Variants in CCDC178 observed in about 807,000 individuals in gnomAD.
CCDC178 encodes coiled-coil domain-containing protein 178.
A neutral mutation model predicts 117.4 loss-of-function variants in CCDC178; 126 were observed. The ratio of observed to expected loss-of-function variants is 1.07; its 90% CI spans 0.93 to 1.24. CCDC178 has a LOEUF of 1.24. CCDC178 is among the 50% of genes most tolerant of loss of function. The pLI is 0.00. For synonymous variants in CCDC178, 283 were observed against 313.4 expected (o/e 0.90, Z 1.02); for missense variants, 1,030 against 986.9 (o/e 1.04, Z -0.59).
At position 33,246,073 on chromosome 18, in the gene CCDC178, C is replaced by T. The variant is rs576583967; in HGVS notation, c.1410-645G>A. Among the ~76,000 whole-genome samples, 6 of 151,906 alleles carry T rather than the reference C, an allele frequency of 3.9e-5. No homozygotes were observed. In the South Asian group the frequency reaches 1.0e-3, roughly 26 times the overall value. ...CAACACTAACTCCACATTATAATAACCTGCAAAGCATTTAATAAAACTTTG... is the reference window on the plus strand; with the variant it reads ...CAACACTAACTCCACATTATAATAATCTGCAAAGCATTTAATAAAACTTTG... On this transcript the variant is annotated intron_variant, in intron 14 of 22. Transcript: ENST00000383096.
At chr18:33,102,424 T>TA (rs36099291) in intron 20 of CCDC178, among the ~76,000 whole-genome samples, 1,579 of 118,430 alleles carry the variant, frequency 0.013, 17 homozygotes, top group South Asian at 0.032. Flanking sequence ...TGCTTTGAAG[T>TA]AAAAAAAAAA....
At chr18:33,334,344 A>T (rs1005754831) in intron 9 of CCDC178, among the ~76,000 whole-genome samples, 6 of 152,122 alleles carry the variant, frequency 3.9e-5, no homozygotes, top group Admixed American at 3.3e-4. Context: ...ATTTGAATAA[A>T]TGAATAAAAT....
At chr18:32,977,086 A>T (rs1297097534) in intron 21 of CCDC178, among the ~76,000 whole-genome samples, 6 of 152,146 alleles carry the variant, frequency 3.9e-5, no homozygotes, top group Non-Finnish European at 1.5e-5. Flanking sequence ...ACTTATTTAA[A>T]CAACACAGTT....
intron 6 of CCDC178, among the ~76,000 whole-genome samples, chr18:33,368,484 T>C (rs907156608): frequency 3.3e-5 from 5 of 151,934 alleles, no homozygotes; most frequent in Non-Finnish European, 7.4e-5. Flanking sequence ...ATAGCTCTTT[T>C]TTTCAGTTTT....
chr18:32,990,611 A>G (rs2055368265), intron 21 of CCDC178, among the ~76,000 whole-genome samples: 1 of 152,162 alleles, frequency 6.6e-6, no homozygotes, highest in Non-Finnish European at 1.5e-5. Flanking sequence ...TAAAAGTTCA[A>G]GTCAAATTTT....
At chr18:33,361,256 A>G in intron 6 of CCDC178, among the ~76,000 whole-genome samples, 1 of 151,800 alleles carries the variant, frequency 6.6e-6, no homozygotes, top group Non-Finnish European at 1.5e-5. Context: ...TAGTCTCTTC[A>G]ATAAATGATG....
chr18:33,377,168 T>C (rs1326688419), intron 5 of CCDC178, among the ~76,000 whole-genome samples: 2 of 152,236 alleles, frequency 1.3e-5, no homozygotes, highest in East Asian at 3.8e-4. Context: ...TGCTATCTCA[T>C]TGTGGTTTTC....
intron 20 of CCDC178, among the ~76,000 whole-genome samples, chr18:33,150,134 G>A (rs767929965): frequency 3.9e-5 from 6 of 152,020 alleles, no homozygotes; most frequent in East Asian, 1.9e-4. Flanking sequence ...AACATATCTC[G>A]GGGATAGGAC....
intron 5 of CCDC178, among the ~76,000 whole-genome samples, chr18:33,386,089 G>A (rs1484837382): frequency 6.6e-6 from 1 of 152,108 alleles, no homozygotes; most frequent in Non-Finnish European, 1.5e-5. Context: ...AAATAAACTG[G>A]AAAATCTACA....
At chr18:33,025,884 G>C (rs8095965) in intron 21 of CCDC178, among the ~76,000 whole-genome samples, 23,063 of 152,008 alleles carry the variant, frequency 0.15, 2,595 homozygotes, top group African/African-American at 0.32. Flanking sequence ...ATTCGTCCCA[G>C]AGAAGTGACA....
chr18:33,137,478 T>C (rs2058143423), intron 20 of CCDC178, among the ~76,000 whole-genome samples: 1 of 152,228 alleles, frequency 6.6e-6, no homozygotes, highest in Non-Finnish European at 1.5e-5. Flanking sequence ...TTAGTTCTAC[T>C]CTTTGAAGAG....
intron 11 of CCDC178, among the ~76,000 whole-genome samples, chr18:33,318,570 T>C (rs1212137691): frequency 2.0e-5 from 3 of 152,164 alleles, no homozygotes; most frequent in African/African-American, 7.2e-5. Flanking sequence ...TATGTTTAAT[T>C]TGAGCACAAG....
chr18:33,399,143 T>A (rs2063677632), intron 3 of CCDC178, among the ~76,000 whole-genome samples: 1 of 151,298 alleles, frequency 6.6e-6, no homozygotes, highest in Admixed American at 6.6e-5. Context: ...GAGGTTGCGC[T>A]GAGCTGAGAT....
chr18:32,982,731 A>C (rs533314708), intron 21 of CCDC178, among the ~76,000 whole-genome samples: 1 of 152,304 alleles, frequency 6.6e-6, no homozygotes, highest in African/African-American at 2.4e-5. Flanking sequence ...GAATCGCTGC[A>C]ATAAACAATC....
intron 9 of CCDC178, among the ~76,000 whole-genome samples, chr18:33,334,467 C>A (rs556699006): frequency 5.9e-5 from 9 of 151,844 alleles, no homozygotes; most frequent in African/African-American, 2.2e-4. Flanking sequence ...AGAAAAAAAC[C>A]ATTGAAAGAT....
At chr18:33,357,093 C>G (rs1311555871) in intron 6 of CCDC178, among the ~76,000 whole-genome samples, 1 of 151,986 alleles carries the variant, frequency 6.6e-6, no homozygotes, top group East Asian at 1.9e-4. Flanking sequence ...CACCTATGAC[C>G]TGGAAGCCCC....
At chr18:33,171,559 T>A (rs2058599561) in intron 20 of CCDC178, among the ~76,000 whole-genome samples, 1 of 152,232 alleles carries the variant, frequency 6.6e-6, no homozygotes, top group Admixed American at 6.5e-5. Flanking sequence ...GATTACTGAA[T>A]CGCAGTTTTG....
chr18:32,939,019 G>T (rs2054180907), intron 22 of CCDC178, among the ~76,000 whole-genome samples: 1 of 151,950 alleles, frequency 6.6e-6, no homozygotes. Context: ...TCCCTTCAGT[G>T]CTATTTATAG....
intron 11 of CCDC178, among the ~76,000 whole-genome samples, chr18:33,308,533 A>G (rs2062290349): frequency 6.6e-6 from 1 of 152,146 alleles, no homozygotes; most frequent in African/African-American, 2.4e-5. Context: ...TGAGTTAAGC[A>G]TTTGGGGAAC....
Sources: gnomAD v4.1 joint callset for allele counts (sites outside exome capture counted in the v4.1 genomes callset) on GRCh38, gnomAD v4.1.1 for gene constraint, MANE v1.5 for transcripts, NCBI Gene and HGNC (gene_info 2026-07-23, HGNC 2026-07-21) for gene names.